The following VWA8 variants were observed in gnomAD, a reference collection of about 807,000 sequenced individuals.
VWA8 encodes the protein von Willebrand factor A domain containing 8.
Under a neutral mutation model 241.5 loss-of-function variants are expected in VWA8, and 221 were observed. That is an observed-to-expected ratio of 0.91 (90% CI 0.82 to 1.02). The LOEUF (loss-of-function observed/expected upper bound fraction) is 1.02. Ranked by LOEUF, VWA8 falls within the 50% of genes least tolerant of loss-of-function variation. The pLI, the probability that VWA8 is intolerant of heterozygous loss-of-function variation, is 0.00. For synonymous variants in VWA8, 852 were observed against 827.1 expected, an observed-to-expected ratio of 1.03 and a Z score of -0.52; for missense variants, 2,322 against 2,328.7, an observed-to-expected ratio of 1.00 and a Z score of 0.06.
At position 41,675,221 on chromosome 13, in the gene VWA8, A is replaced by G; in HGVS notation, c.4403T>C (p.Ile1468Thr). Residue 1468 changes from isoleucine (I) to threonine (T), a missense_variant, in exon 36 of 45, where the codon ATT becomes ACT. By Grantham distance (89) the Ile-to-Thr change is moderately conservative (BLOSUM62 -1). Transcript: ENST00000379310. ...CAAAGGTGAAATGGATTACCTGGGAATAGGGATATATCGGAGTTTCTTTGA... is the reference window on the plus strand; with the variant it reads ...CAAAGGTGAAATGGATTACCTGGGAGTAGGGATATATCGGAGTTTCTTTGA... The part of the protein sequence containing the change: ...LQSKKLRYIP[I>T]PRSESLSPYT... 6.2e-7 allele frequency: 1 copy of G among 1,609,722 alleles called. No individual in the cohort carries two copies. The highest frequency in any genetic ancestry group is 8.5e-7 in the Non-Finnish European group (1 of 1,176,538).
At chr13:41,868,939 A>G (rs1275131202) in intron 9 of VWA8, among the ~76,000 whole-genome samples, 4 of 151,436 alleles carry the variant, frequency 2.6e-5, no homozygotes, top group African/African-American at 9.7e-5. Context: ...AAAAAAAGTT[A>G]ACGAAAATTT....
At chr13:41,677,639 C>A (rs2045069399) in intron 35 of VWA8, among the ~76,000 whole-genome samples, 1 of 152,058 alleles carries the variant, frequency 6.6e-6, no homozygotes, top group Admixed American at 6.6e-5. Context: ...TGTAAAATAT[C>A]CCATTTTATA....
At chr13:41,863,498 T>G (rs1249734008) in intron 12 of VWA8, among the ~76,000 whole-genome samples, 1 of 148,922 alleles carries the variant, frequency 6.7e-6, no homozygotes, top group African/African-American at 2.5e-5. Context: ...TGTCTATATA[T>G]ATTAGTTCAG....
At chr13:41,915,233 T>C (rs1876195773) in intron 2 of VWA8, among the ~76,000 whole-genome samples, 1 of 152,332 alleles carries the variant, frequency 6.6e-6, no homozygotes, top group Non-Finnish European at 1.5e-5. Context: ...ATGTTTATGC[T>C]CCTGGGAGTG....
chr13:41,746,025 G>A (rs1449885092), intron 21 of VWA8, among the ~76,000 whole-genome samples: 2 of 152,132 alleles, frequency 1.3e-5, no homozygotes, highest in Admixed American at 6.5e-5. Flanking sequence ...TTGAGGAAGA[G>A]GAGACCAGAT....
chr13:41,702,663 G>C (rs9562338), intron 27 of VWA8, among the ~76,000 whole-genome samples: 8,595 of 152,228 alleles, frequency 0.056, 283 homozygotes, highest in East Asian at 0.12. Flanking sequence ...CGGCAGAGTT[G>C]AGTGGTTGCA....
chr13:41,861,958 T>C (rs555872922), intron 12 of VWA8, among the ~76,000 whole-genome samples: 4 of 152,298 alleles, frequency 2.6e-5, no homozygotes, highest in African/African-American at 7.2e-5. Flanking sequence ...CTAAAATTCA[T>C]ATAGACTCAA....
At chr13:41,882,107 G>A (rs1301410371) in intron 9 of VWA8, among the ~76,000 whole-genome samples, 3 of 149,988 alleles carry the variant, frequency 2.0e-5, no homozygotes, top group African/African-American at 7.4e-5. Context: ...GGGCAGAGAC[G>A]CTCCTCACCT....
In VWA8 at chr13:41,669,887, T is replaced by C. The variant is rs536548636; in HGVS notation, c.4611+1059A>G. Among the ~76,000 whole-genome samples, 32 of 152,296 alleles carry C rather than the reference T, an allele frequency of 2.1e-4. 1 individual carries two copies. Among genetic ancestry groups the C allele is most frequent in the African/African-American group, 7.7e-4 (32 of 41,572 alleles). ...AGTCCATGGCACTTACTTAATCACATGTTTATTTTAGAGTCACACATTTGT... is the reference window on the plus strand; with the variant it reads ...AGTCCATGGCACTTACTTAATCACACGTTTATTTTAGAGTCACACATTTGT... On this transcript the variant is annotated intron_variant, in intron 37 of 44. Transcript: ENST00000379310.
At chr13:41,847,890 T>C (rs1418212636) in intron 12 of VWA8, among the ~76,000 whole-genome samples, 1 of 152,232 alleles carries the variant, frequency 6.6e-6, no homozygotes, top group African/African-American at 2.4e-5. Context: ...ACTACATATC[T>C]ACAAATGTTC....
At chr13:41,568,663 G>A (rs1443514410) in intron 44 of VWA8, among the ~76,000 whole-genome samples, 4 of 152,152 alleles carry the variant, frequency 2.6e-5, no homozygotes, top group Non-Finnish European at 5.9e-5. Context: ...TCACCTCCCG[G>A]GTCTAGCAAA....
chr13:41,870,261 GAA>G (rs886777802), intron 9 of VWA8, among the ~76,000 whole-genome samples: 1 of 145,630 alleles, frequency 6.9e-6, no homozygotes, highest in Non-Finnish European at 1.5e-5. Context: ...TTAATTTCAT[GAA>G]AAAAAAAAAG....
chr13:41,931,812 A>G (rs1173570661), intron 2 of VWA8, among the ~76,000 whole-genome samples: 1 of 152,186 alleles, frequency 6.6e-6, no homozygotes, highest in Non-Finnish European at 1.5e-5. Context: ...GCATTCCACT[A>G]AAGCTGTACT....
chr13:41,629,889 A>AT (rs2044715573), intron 37 of VWA8, among the ~76,000 whole-genome samples: 1 of 152,220 alleles, frequency 6.6e-6, no homozygotes, highest in East Asian at 1.9e-4. Context: ...CAAATACTCA[A>AT]TGACCCTCTG....
intron 1 of VWA8, among the ~76,000 whole-genome samples, chr13:41,956,477 A>C (rs1464489422): frequency 6.6e-6 from 1 of 152,222 alleles, no homozygotes; most frequent in East Asian, 1.9e-4. Flanking sequence ...TAAATTCTTG[A>C]ATACACAATG....
intron 9 of VWA8, among the ~76,000 whole-genome samples, chr13:41,870,635 C>CAAAAAAAAAAAAAAAAAA (rs1330134932): frequency 1.6e-5 from 1 of 61,182 alleles, no homozygotes. Context: ...GACTCCGTCT[C>CAAAAAAAAAAAAAAAAAA]AAAAAAAAAA....
At chr13:41,901,865 CAAAAAAAAAAAA>C (rs1167305999) in intron 4 of VWA8, among the ~76,000 whole-genome samples, 33 of 24,680 alleles carry the variant, frequency 1.3e-3, no homozygotes, top group African/African-American at 4.8e-3. Context: ...GACTCCATCT[CAAAAAAAAAAAA>C]AAAAAAAAAA....
chr13:41,666,580 G>T (rs186224382), intron 37 of VWA8, among the ~76,000 whole-genome samples: 65 of 152,242 alleles, frequency 4.3e-4, no homozygotes, highest in Non-Finnish European at 4.4e-5. Flanking sequence ...ACCTTTGGTA[G>T]CTTGAAATCA....
chr13:41,635,027 A>C (rs1409392204), intron 37 of VWA8, among the ~76,000 whole-genome samples: 2 of 152,168 alleles, frequency 1.3e-5, no homozygotes, highest in African/African-American at 4.8e-5. Flanking sequence ...AAAATGACTT[A>C]TCTTCTCTTA....
Sources: allele counts gnomAD v4.1 joint callset (sites outside exome capture counted in the v4.1 genomes callset), GRCh38; gene constraint gnomAD v4.1.1; transcripts MANE v1.5; gene names NCBI Gene and HGNC (gene_info 2026-07-23, HGNC 2026-07-21).